The following PRKN variants were observed in gnomAD, a reference collection of about 807,000 sequenced individuals.
PRKN encodes E3 ubiquitin-protein ligase parkin.
In PRKN, 56 loss-of-function variants were observed where a neutral mutation model predicts 59.5. The observed-to-expected ratio is 0.94, with a 90% CI of 0.76 to 1.18. PRKN has a LOEUF of 1.18. Ranked by LOEUF, PRKN falls within the 50% of genes most tolerant of loss-of-function variation. The pLI, the probability that PRKN is intolerant of heterozygous loss-of-function variation, is 0.00. For synonymous variants in PRKN, 250 were observed against 222.1 expected (o/e 1.13, Z -1.12); for missense variants, 657 against 596.4 (o/e 1.10, Z -1.06).
chr6:162,619,388 C>T (rs562646664), intron 1 of PRKN, among the ~76,000 whole-genome samples: 108 of 151,970 alleles, frequency 7.1e-4, no homozygotes, highest in Non-Finnish European at 1.2e-3. Flanking sequence ...CCTCGCAATC[C>T]GCCCGCCTCG....
In PRKN at chr6:161,410,593, C is replaced by A. The variant is rs145657760; in HGVS notation, c.1084-23716G>T. 3.3e-5 allele frequency among the ~76,000 whole-genome samples: 5 copies of A among 152,054 alleles called. No individual in the cohort carries two copies. Among genetic ancestry groups the A allele is most frequent in the Non-Finnish European group, 7.4e-5 (5 of 68,022 alleles). Reference sequence around the variant, plus strand: ...ACACACAGCAGCGAGAGGGGAAGGGCGAGCTATTTCCTCCATTCTGGTGCT... The same window carrying A: ...ACACACAGCAGCGAGAGGGGAAGGGAGAGCTATTTCCTCCATTCTGGTGCT... On this transcript the variant is annotated intron_variant, in intron 9 of 11. Coordinates refer to ENST00000366898, the MANE Select transcript of PRKN (RefSeq NM_004562.3). The surrounding 1 kb of genome is among the most constrained non-coding windows in gnomAD (Gnocchi z 5.3).
intron 5 of PRKN, among the ~76,000 whole-genome samples, chr6:161,993,796 G>A (rs1047779266): frequency 4.6e-5 from 7 of 152,180 alleles, no homozygotes; most frequent in Non-Finnish European, 1.0e-4. Context: ...TGCTTCTGGT[G>A]AAGGGCTCAG....
intron 1 of PRKN, among the ~76,000 whole-genome samples, chr6:162,601,470 C>G (rs550839430): frequency 6.6e-6 from 1 of 152,124 alleles, no homozygotes; most frequent in Admixed American, 6.6e-5. Context: ...ATAATTAGTT[C>G]GTTCCTCTAT....
At chr6:162,623,735 C>T (rs997386498) in intron 1 of PRKN, among the ~76,000 whole-genome samples, 1 of 151,876 alleles carries the variant, frequency 6.6e-6, no homozygotes, top group Non-Finnish European at 1.5e-5. Flanking sequence ...TCTAGTAAGG[C>T]CCTCTCTATT....
intron 6 of PRKN, among the ~76,000 whole-genome samples, chr6:161,830,283 GCT>G (rs1397582247): frequency 6.7e-6 from 1 of 149,572 alleles, no homozygotes; most frequent in Non-Finnish European, 1.5e-5. Context: ...ATGGAGTCTC[GCT>G]CTGTTGCCCA....
At chr6:162,548,052 T>TTTTTTG (rs71544937) in intron 1 of PRKN, among the ~76,000 whole-genome samples, 1 of 151,312 alleles carries the variant, frequency 6.6e-6, no homozygotes, top group African/African-American at 2.4e-5. Flanking sequence ...CCTCTCTGAG[T>TTTTTTG]TTTTTGTTTT....
Position 161,445,544 on chromosome 6 carries a change from C to G in PRKN, c.1084-58667G>C, listed in dbSNP as rs889444742. ...ACTCTTTTCCTGGACTTCAAGGCAT[C>G]GAAGTGTCAGCTGGCTGCCATCCCA... On this transcript the variant is annotated intron_variant, in intron 9 of 11. Coordinates refer to ENST00000366898, the MANE Select transcript of PRKN (RefSeq NM_004562.3). This position sits in a 1 kb window ranked among gnomAD's most constrained non-coding sequence, Gnocchi z 7.7. 6.6e-6 allele frequency among the ~76,000 whole-genome samples: 1 copy of G among 152,218 alleles called. No homozygotes were observed. The highest frequency in any genetic ancestry group is 1.5e-5 in the Non-Finnish European group (1 of 68,038).
At chr6:161,982,120 C>T (rs1034037546) in intron 5 of PRKN, among the ~76,000 whole-genome samples, 13 of 152,156 alleles carry the variant, frequency 8.5e-5, no homozygotes, top group African/African-American at 3.1e-4. Flanking sequence ...AAGTTTATTC[C>T]AGGTGTAATG....
At chr6:162,191,978 A>G (rs1784296657) in intron 4 of PRKN, among the ~76,000 whole-genome samples, 1 of 152,214 alleles carries the variant, frequency 6.6e-6, no homozygotes, top group African/African-American at 2.4e-5. Context: ...AAACAAACCA[A>G]CCAAGTTTTT....
At chr6:161,660,755 C>T (rs1784514673) in intron 7 of PRKN, among the ~76,000 whole-genome samples, 1 of 152,184 alleles carries the variant, frequency 6.6e-6, no homozygotes, top group South Asian at 2.1e-4. Flanking sequence ...CGCACATGTC[C>T]TTCCCGATCT....
In PRKN at chr6:161,372,825, A is replaced by AT. The variant is rs11293379; in HGVS notation, c.1168-12621dup. 0.11 allele frequency among the ~76,000 whole-genome samples: 13,094 copies of AT among 114,402 alleles called. 867 individuals are homozygous for AT. The highest frequency in any genetic ancestry group is 0.23 in the South Asian group (778 of 3,352). The allele number at this position is 114,402 out of a possible 152,430, so 75.1% of individuals were successfully genotyped here. ...TGGTCAACAAAGACAGAGAGACCCTATTTTTTTTTTTTTTTTTTTTTTGAG... is the reference window on the plus strand; with the variant it reads ...TGGTCAACAAAGACAGAGAGACCCTATTTTTTTTTTTTTTTTTTTTTTTGAG... On this transcript the variant is annotated intron_variant, in intron 10 of 11. Coordinates refer to ENST00000366898, the MANE Select transcript of PRKN (RefSeq NM_004562.3). The surrounding 1 kb of genome is among the most constrained non-coding windows in gnomAD (Gnocchi z 4.2).
At chr6:161,992,532 C>T (rs1185597331) in intron 5 of PRKN, among the ~76,000 whole-genome samples, 3 of 152,156 alleles carry the variant, frequency 2.0e-5, no homozygotes, top group Non-Finnish European at 4.4e-5. Flanking sequence ...GCCCCTATTT[C>T]AGCACTGGAT....
At chr6:161,909,568 G>A (rs531727716) in intron 6 of PRKN, among the ~76,000 whole-genome samples, 5 of 152,306 alleles carry the variant, frequency 3.3e-5, no homozygotes, top group African/African-American at 1.2e-4. Context: ...ACTCATAGAA[G>A]GAACCGGACA....
At chr6:162,367,722 G>T (rs1431894342) in intron 2 of PRKN, among the ~76,000 whole-genome samples, 4 of 152,086 alleles carry the variant, frequency 2.6e-5, no homozygotes, top group African/African-American at 9.7e-5. Context: ...TCTTAAGAGT[G>T]CACTGAATAT....
intron 5 of PRKN, among the ~76,000 whole-genome samples, chr6:161,991,424 C>T (rs144043061): frequency 1.8e-4 from 28 of 152,100 alleles, no homozygotes; most frequent in African/African-American, 6.0e-4. Context: ...AAAGCATATG[C>T]GAAACAACCA....
intron 1 of PRKN, among the ~76,000 whole-genome samples, chr6:162,717,502 G>T (rs1300545463): frequency 1.3e-5 from 2 of 149,566 alleles, no homozygotes; most frequent in Admixed American, 6.7e-5. Context: ...GGAATTCAAG[G>T]TTGCAGTGAG....
intron 4 of PRKN, among the ~76,000 whole-genome samples, chr6:162,102,674 C>T (rs375154835): frequency 6.8e-6 from 1 of 146,522 alleles, no homozygotes; most frequent in African/African-American, 2.8e-5. Context: ...GTTGTGGGTC[C>T]ACCAAACTAC....
At chr6:162,557,282 T>C (rs1424702799) in intron 1 of PRKN, among the ~76,000 whole-genome samples, 1 of 152,218 alleles carries the variant, frequency 6.6e-6, no homozygotes, top group Non-Finnish European at 1.5e-5. Context: ...CAGTCATTGC[T>C]GCTTGGTAGT....
intron 2 of PRKN, chr6:162,264,637 TC>T (rs1780047211): frequency 6.6e-6 from 1 of 152,422 alleles, no homozygotes; most frequent in East Asian, 1.9e-4. Flanking sequence ...CCTGTGCCCC[TC>T]CCCATTCTCA....
Sources: allele counts gnomAD v4.1 joint callset (sites outside exome capture counted in the v4.1 genomes callset), GRCh38; gene constraint gnomAD v4.1.1; non-coding constraint Gnocchi (gnomAD v3.1); transcripts MANE v1.5; gene names NCBI Gene and HGNC (gene_info 2026-07-23, HGNC 2026-07-21).